The following TMCO1 variants were observed in gnomAD, a reference collection of about 807,000 sequenced individuals.
TMCO1 encodes the protein transmembrane and coiled-coil domains 1.
In TMCO1, 29 loss-of-function variants were observed where a neutral mutation model predicts 29.3. The observed-to-expected ratio is 0.99, with a 90% CI of 0.74 to 1.35. The LOEUF (loss-of-function observed/expected upper bound fraction) is 1.35, where lower values mean the gene tolerates loss of function less well. Among genes scored for constraint, TMCO1 ranks in the 40% most tolerant of loss-of-function variants. TMCO1 has a pLI of 0.00. For synonymous variants in TMCO1, 80 were observed against 77.1 expected, an observed-to-expected ratio of 1.04 and a Z score of -0.20; for missense variants, 173 against 225.5, an observed-to-expected ratio of 0.77 and a Z score of 1.49.
At chr1:165,760,669 C>T (rs113826543) in intron 2 of TMCO1, among the ~76,000 whole-genome samples, 5,186 of 152,028 alleles carry the variant, frequency 0.034, 306 homozygotes, top group African/African-American at 0.12. Flanking sequence ...GGGCATGTGG[C>T]GCGTGCCTGT....
At chr1:165,756,374 G>T (rs1315319060) in intron 3 of TMCO1, among the ~76,000 whole-genome samples, 3 of 152,096 alleles carry the variant, frequency 2.0e-5, no homozygotes, top group African/African-American at 7.2e-5. Context: ...TGCTCTGCTT[G>T]CAGGACTTGC....
At chr1:165,743,098 A>G in intron 6 of TMCO1, 69 bp downstream of exon 6, 1 of 1,569,696 alleles carries the variant, frequency 6.4e-7, no homozygotes, top group Non-Finnish European at 8.8e-7. Flanking sequence ...TAGTATTATA[A>G]AAGTAAAAGC....
At chr1:165,761,534 A>T (rs767839907) in intron 2 of TMCO1, among the ~76,000 whole-genome samples, 1 of 151,984 alleles carries the variant, frequency 6.6e-6, no homozygotes, top group Non-Finnish European at 1.5e-5. Flanking sequence ...CCCTGTCGCC[A>T]AAATAAAATA....
chr1:165,724,986 T>TTCTC (rs61515012), downstream of TMCO1: 1,346 of 372,922 alleles, frequency 3.6e-3, 2 homozygotes, highest in Middle Eastern at 8.8e-3. Flanking sequence ...TATTCTCTCT[T>TTCTC]TCTCTCTCTC....
In TMCO1 at chr1:165,744,620, G is replaced by A. The variant is rs138056075; in HGVS notation, c.324-1309C>T. Among the ~76,000 whole-genome samples the A allele has an allele frequency of 7.2e-3, 1,101 of 151,972 alleles. 23 individuals are homozygous for A. The highest frequency in any genetic ancestry group is 0.044 in the South Asian group (213 of 4,810). On this transcript the variant is annotated intron_variant, in intron 5 of 6. Coordinates refer to ENST00000367881, the MANE Select transcript of TMCO1 (RefSeq NM_019026.6). ...CAGCTGACCAACATGGAGAAACCCCGTGTCTACTAAAAATACAAAATTAGC... is the reference window on the plus strand; with the variant it reads ...CAGCTGACCAACATGGAGAAACCCCATGTCTACTAAAAATACAAAATTAGC...
At chr1:165,725,098 A>G (rs984104042), downstream of TMCO1, 2 of 402,336 alleles carry the variant, frequency 5.0e-6, no homozygotes, top group Non-Finnish European at 9.4e-6. Flanking sequence ...TCATTCTAAA[A>G]TTTTTTAAAA....
chr1:165,743,049 A>G lies in TMCO1; in HGVS notation c.468+118T>C. The G allele has an allele frequency of 4.8e-6, 6 of 1,246,396 alleles. No individual in the cohort carries two copies. The South Asian group carries it at 7.7e-5, about 16-fold the overall frequency. 77.2% of individuals were successfully genotyped at this position (1,246,396 alleles called of 1,614,324 possible). A position where few individuals can be genotyped will look rare whatever the true frequency, so the allele number is the denominator to read the frequency against. Reference sequence around the variant, plus strand: ...GAAGATACACTGAAATTCTAAAATGAGCAACTGAAAGAACTCAGGAACAAT... The same window carrying G: ...GAAGATACACTGAAATTCTAAAATGGGCAACTGAAAGAACTCAGGAACAAT... On this transcript the variant is annotated intron_variant, in intron 6 of 6. Coordinates refer to ENST00000367881, the MANE Select transcript of TMCO1 (RefSeq NM_019026.6).
intron 5 of TMCO1, among the ~76,000 whole-genome samples, chr1:165,751,066 C>T (rs1164750819): frequency 2.6e-5 from 4 of 152,120 alleles, no homozygotes; most frequent in Admixed American, 6.5e-5. Flanking sequence ...GAGACTCTGT[C>T]CCGAACAACA....
chr1:165,747,883 G>GC (rs1651857182), intron 5 of TMCO1, among the ~76,000 whole-genome samples: 1 of 152,158 alleles, frequency 6.6e-6, no homozygotes, highest in African/African-American at 2.4e-5. Context: ...GGAAGGCAGG[G>GC]CGTGGTGGCT....
chr1:165,730,486 A>G (rs1055941879), intron 6 of TMCO1, among the ~76,000 whole-genome samples: 4 of 152,250 alleles, frequency 2.6e-5, no homozygotes, highest in African/African-American at 9.6e-5. Context: ...CATACATTCA[A>G]CAATACTATA....
At chr1:165,764,128 A>T (rs1392865998) in intron 2 of TMCO1, among the ~76,000 whole-genome samples, 1 of 152,244 alleles carries the variant, frequency 6.6e-6, no homozygotes, top group Non-Finnish European at 1.5e-5. Flanking sequence ...ATTTCATAAA[A>T]CTACTCAATG....
chr1:165,725,227 T>C, downstream of TMCO1: 1 of 453,828 alleles, frequency 2.2e-6, no homozygotes, highest in Non-Finnish European at 4.4e-6. Flanking sequence ...GTATAAATAG[T>C]CTGAAAAAAA....
intron 3 of TMCO1, among the ~76,000 whole-genome samples, chr1:165,758,508 A>G (rs974149900): frequency 6.6e-6 from 1 of 151,344 alleles, no homozygotes; most frequent in Non-Finnish European, 1.5e-5. Context: ...GTGAGCCGAG[A>G]TCACACCACT....
At position 165,754,273 on chromosome 1, in the gene TMCO1, C is replaced by T; in HGVS notation, c.210G>A (p.Glu70=). 3 of 1,610,220 alleles carry T rather than the reference C, an allele frequency of 1.9e-6. No individual in the cohort carries two copies. The South Asian group carries it at 3.3e-5, about 18-fold the overall frequency. Reference sequence around the variant, plus strand: ...TATTCTTCAGTTTCTCTTCTTGTCTCTCTGCAAAGAATTAATGAGATGGTT... The same window carrying T: ...TATTCTTCAGTTTCTCTTCTTGTCTTTCTGCAAAGAATTAATGAGATGGTT... ...SAGRQQKKKI[E]RQEEKLKNNN... is the part of the protein sequence containing the mutation. Residue 70 remains glutamate (E), a splice_region_variant and synonymous_variant, in exon 4 of 7, where the codon GAG becomes GAA. Transcript: ENST00000367881.
chr1:165,742,851 T>C (rs1014372927), intron 6 of TMCO1, among the ~76,000 whole-genome samples: 1 of 152,158 alleles, frequency 6.6e-6, no homozygotes, highest in African/African-American at 2.4e-5. Flanking sequence ...AATGAAGAAA[T>C]GGTACTGGGA....
intron 2 of TMCO1, among the ~76,000 whole-genome samples, chr1:165,767,068 T>C (rs1261938995): frequency 2.0e-5 from 3 of 152,224 alleles, no homozygotes; most frequent in Non-Finnish European, 4.4e-5. Flanking sequence ...TTGTTTGCTC[T>C]GTGACGTAAG....
intron 4 of TMCO1, among the ~76,000 whole-genome samples, chr1:165,752,507 G>A (rs1327105603): frequency 3.3e-5 from 5 of 151,240 alleles, no homozygotes; most frequent in South Asian, 2.1e-4. Flanking sequence ...CCCCCGCCTC[G>A]GCCTCCCAAA....
intron 2 of TMCO1, among the ~76,000 whole-genome samples, chr1:165,765,820 A>C (rs758542630): frequency 6.6e-5 from 10 of 152,226 alleles, no homozygotes; most frequent in Admixed American, 1.3e-4. Flanking sequence ...AATGGTAAAA[A>C]GGAAGCATCT....
downstream of TMCO1, chr1:165,725,504 T>G (rs1239068030): frequency 2.2e-6 from 1 of 454,140 alleles, no homozygotes; most frequent in Admixed American, 2.3e-5. Context: ...CTTTAGCATA[T>G]TATGATTGCA....
Sources: allele counts gnomAD v4.1 joint callset (sites outside exome capture counted in the v4.1 genomes callset), GRCh38; gene constraint gnomAD v4.1.1; transcripts MANE v1.5; gene names NCBI Gene and HGNC (gene_info 2026-07-23, HGNC 2026-07-21).